The following SEMA5A variants were observed in gnomAD, a reference collection of about 807,000 sequenced individuals.
The protein encoded by SEMA5A is semaphorin-5A.
In SEMA5A, 55 loss-of-function variants were observed where a neutral mutation model predicts 135.5. That is an observed-to-expected ratio of 0.41 (90% CI 0.33 to 0.51). The LOEUF (loss-of-function observed/expected upper bound fraction) is 0.51, where lower values mean the gene tolerates loss of function less well. Ranked by LOEUF, SEMA5A falls within the 20% of genes least tolerant of loss-of-function variation. The pLI, the probability that SEMA5A is intolerant of heterozygous loss-of-function variation, is 0.37. For missense variants in SEMA5A, 1,290 were observed against 1,419.9 expected (o/e 0.91, Z 1.47); for synonymous variants, 580 against 546.5 (o/e 1.06, Z -0.85).
At chr5:9,242,060 T>G (rs1748226464) in intron 5 of SEMA5A, among the ~76,000 whole-genome samples, 1 of 152,252 alleles carries the variant, frequency 6.6e-6, no homozygotes, top group East Asian at 1.9e-4. Context: ...ATGTTTACAT[T>G]CATATTCTTA....
chr5:9,329,710 G>A (rs1753033413), intron 4 of SEMA5A, among the ~76,000 whole-genome samples: 1 of 152,094 alleles, frequency 6.6e-6, no homozygotes, highest in Admixed American at 6.6e-5. Context: ...TTTGCTCATG[G>A]GATCTGGGAA....
intron 5 of SEMA5A, among the ~76,000 whole-genome samples, chr5:9,301,352 G>A (rs1751601969): frequency 6.6e-6 from 1 of 152,202 alleles, no homozygotes; most frequent in South Asian, 2.1e-4. Flanking sequence ...GTTTCGAGAA[G>A]TTTTAATGTG....
intron 2 of SEMA5A, among the ~76,000 whole-genome samples, chr5:9,435,147 T>A (rs1230778506): frequency 6.6e-6 from 1 of 152,148 alleles, no homozygotes; most frequent in Non-Finnish European, 1.5e-5. Context: ...TTGCTCATAA[T>A]AAAAGAGGGA....
At chr5:9,317,802 G>A (rs1310766888) in intron 5 of SEMA5A, among the ~76,000 whole-genome samples, 1 of 151,972 alleles carries the variant, frequency 6.6e-6, no homozygotes. Flanking sequence ...GGGAAAAGTG[G>A]GCTTTTGTGA....
At chr5:9,475,906 A>T (rs188067546) in intron 1 of SEMA5A, among the ~76,000 whole-genome samples, 33 of 152,372 alleles carry the variant, frequency 2.2e-4, no homozygotes, top group Middle Eastern at 3.4e-3. Flanking sequence ...TCTCCCTTCC[A>T]TTCCCAAACT....
rs1040220094 is a variant in SEMA5A at position 9,085,738 on chromosome 5, A to G, written c.2074-19092T>C. Among the ~76,000 whole-genome samples the G allele has an allele frequency of 4.6e-5, 7 of 152,334 alleles. 1 individual carries two copies. The East Asian group carries it at 1.4e-3, about 29-fold the overall frequency. On this transcript the variant is annotated intron_variant, in intron 16 of 22. Coordinates refer to ENST00000382496, the MANE Select transcript of SEMA5A (RefSeq NM_003966.3). ...CTCACAGTGTCCCTACTGGGGCACA[A>G]CCTAGTGGAACTGTGAGAAGAGGGC...
chr5:9,267,313 C>T lies in SEMA5A; in HGVS notation c.271-29423G>A, dbSNP rs572966898. 4.6e-5 allele frequency among the ~76,000 whole-genome samples: 7 copies of T among 152,240 alleles called. No homozygotes were observed. The South Asian group carries it at 6.2e-4, about 14-fold the overall frequency. ...TCTCCTGTACTTTGCCTCTATATCGCGCTATCAAGCTGTTGCCCGATCCAC... is the reference window on the plus strand; with the variant it reads ...TCTCCTGTACTTTGCCTCTATATCGTGCTATCAAGCTGTTGCCCGATCCAC... On this transcript the variant is annotated intron_variant, in intron 5 of 22. Coordinates refer to ENST00000382496, the MANE Select transcript of SEMA5A (RefSeq NM_003966.3).
chr5:9,181,466 A>G (rs1041839045), intron 11 of SEMA5A, among the ~76,000 whole-genome samples: 2 of 152,092 alleles, frequency 1.3e-5, no homozygotes, highest in African/African-American at 4.8e-5. Context: ...TCACTTCTCC[A>G]GTGGCTGGTT....
intron 1 of SEMA5A, among the ~76,000 whole-genome samples, chr5:9,471,363 A>G (rs914328063): frequency 1.1e-4 from 17 of 152,266 alleles, no homozygotes; most frequent in Admixed American, 2.0e-4. Context: ...CTGCCCAGAG[A>G]TAGCCTAAAA....
At chr5:9,090,544 T>G (rs1347322074) in intron 16 of SEMA5A, among the ~76,000 whole-genome samples, 1 of 152,222 alleles carries the variant, frequency 6.6e-6, no homozygotes, top group African/African-American at 2.4e-5. Flanking sequence ...TTGGGGGACT[T>G]CTGGTGCAAC....
chr5:9,086,901 T>C (rs1429791252), intron 16 of SEMA5A, among the ~76,000 whole-genome samples: 1 of 152,246 alleles, frequency 6.6e-6, no homozygotes, highest in East Asian at 1.9e-4. Context: ...GATTTTATTT[T>C]CTTTTTTGCT....
chr5:9,369,151 T>C (rs1755032242), intron 3 of SEMA5A, among the ~76,000 whole-genome samples: 2 of 152,202 alleles, frequency 1.3e-5, no homozygotes, highest in South Asian at 4.1e-4. Flanking sequence ...GCTAGTCCAT[T>C]TTTAAAAATT....
chr5:9,439,161 C>T (rs1758141831), intron 1 of SEMA5A, among the ~76,000 whole-genome samples: 1 of 152,168 alleles, frequency 6.6e-6, no homozygotes, highest in South Asian at 2.1e-4. Context: ...GTGACATCAT[C>T]CTTTGGACAG....
chr5:9,126,189 C>A (rs1197999302), intron 13 of SEMA5A, among the ~76,000 whole-genome samples: 1 of 152,116 alleles, frequency 6.6e-6, no homozygotes, highest in African/African-American at 2.4e-5. Context: ...CTGAAGGCCC[C>A]AGCAGACACC....
chr5:9,328,328 T>G (rs1365741536), intron 4 of SEMA5A, among the ~76,000 whole-genome samples: 1 of 152,252 alleles, frequency 6.6e-6, no homozygotes, highest in Non-Finnish European at 1.5e-5. Context: ...CAAGTTCTAG[T>G]GCCTAGTGCA....
In SEMA5A at chr5:9,199,318, T is replaced by C. The variant is rs370955664; in HGVS notation, c.933-2015A>G. 4.9e-4 allele frequency among the ~76,000 whole-genome samples: 74 copies of C among 152,256 alleles called. No individual in the cohort carries two copies. The East Asian group carries it at 9.7e-3, about 20-fold the overall frequency. Reference sequence around the variant, plus strand: ...CTGTGCCATCCCCTGGGGAGCACAATTGGTATAGTATAGCCCATGCCTGCC... The same window carrying C: ...CTGTGCCATCCCCTGGGGAGCACAACTGGTATAGTATAGCCCATGCCTGCC... On this transcript the variant is annotated intron_variant, in intron 9 of 22. Transcript: ENST00000382496.
chr5:9,380,476 C>T (rs1458886304), intron 2 of SEMA5A, among the ~76,000 whole-genome samples: 1 of 152,176 alleles, frequency 6.6e-6, no homozygotes, highest in East Asian at 1.9e-4. Flanking sequence ...AAGAAGGCCA[C>T]AGCCATTGTC....
intron 9 of SEMA5A, among the ~76,000 whole-genome samples, chr5:9,198,493 G>A (rs1745536105): frequency 6.6e-6 from 1 of 152,136 alleles, no homozygotes; most frequent in Non-Finnish European, 1.5e-5. Context: ...TGCAATATCT[G>A]TGGGTGAAGT....
At chr5:9,043,698 A>G (rs1736085934) in intron 22 of SEMA5A, among the ~76,000 whole-genome samples, 1 of 152,240 alleles carries the variant, frequency 6.6e-6, no homozygotes, top group African/African-American at 2.4e-5. Context: ...CAAATGTTCT[A>G]GAAGGATTCG....
Sources: gnomAD v4.1 joint callset for allele counts (sites outside exome capture counted in the v4.1 genomes callset) on GRCh38, gnomAD v4.1.1 for gene constraint, MANE v1.5 for transcripts, NCBI Gene and HGNC (gene_info 2026-07-23, HGNC 2026-07-21) for gene names.